The following FBXL7 variants were observed in gnomAD, a reference collection of about 807,000 sequenced individuals.
The protein encoded by FBXL7 is F-box and leucine rich repeat protein 7, also known as F-box/LRR-repeat protein 7.
Under a neutral mutation model 38.3 loss-of-function variants are expected in FBXL7, and 12 were observed. That is an observed-to-expected ratio of 0.31 (90% CI 0.20 to 0.51). The LOEUF (loss-of-function observed/expected upper bound fraction) is 0.51. Among genes scored for constraint, FBXL7 ranks in the 20% least tolerant of loss-of-function variants. FBXL7 has a pLI of 0.98. For missense variants in FBXL7, 567 were observed against 676.4 expected, an observed-to-expected ratio of 0.84 and a Z score of 1.79; for synonymous variants, 297 against 300.9, an observed-to-expected ratio of 0.99 and a Z score of 0.13.
chr5:15,644,530 T>TG (rs1229979528), intron 2 of FBXL7, among the ~76,000 whole-genome samples: 2 of 148,084 alleles, frequency 1.4e-5, no homozygotes, highest in South Asian at 2.2e-4. Context: ...ACGTGGGTGG[T>TG]GGGGGGACAG....
chr5:15,606,723 T>A (rs1221775757), intron 1 of FBXL7: 1 of 152,234 alleles, frequency 6.6e-6, no homozygotes, highest in Non-Finnish European at 1.5e-5. Flanking sequence ...CTGCTTCTAA[T>A]CTTTGCCGCG....
At chr5:15,791,288 C>T (rs1008769427) in intron 2 of FBXL7, among the ~76,000 whole-genome samples, 2 of 152,144 alleles carry the variant, frequency 1.3e-5, no homozygotes, top group Non-Finnish European at 2.9e-5. Flanking sequence ...ATGACAGAAC[C>T]TAACACGTTT....
At chr5:15,726,973 A>G (rs967660125) in intron 2 of FBXL7, among the ~76,000 whole-genome samples, 37 of 151,768 alleles carry the variant, frequency 2.4e-4, no homozygotes, top group African/African-American at 8.0e-4. Flanking sequence ...ACTTTCTGTC[A>G]TATCCTTTTG....
chr5:15,621,449 A>G (rs1176917413), intron 2 of FBXL7, among the ~76,000 whole-genome samples: 1 of 152,062 alleles, frequency 6.6e-6, no homozygotes, highest in Non-Finnish European at 1.5e-5. Context: ...ATTCTCTCCT[A>G]TACTGGAAAG....
intron 2 of FBXL7, among the ~76,000 whole-genome samples, chr5:15,736,446 T>A (rs1292777147): frequency 1.3e-5 from 2 of 152,234 alleles, no homozygotes; most frequent in Non-Finnish European, 2.9e-5. Context: ...AATATTACAA[T>A]ATTGTTTATA....
At chr5:15,538,630 T>C (rs971951954) in intron 1 of FBXL7, among the ~76,000 whole-genome samples, 2 of 152,226 alleles carry the variant, frequency 1.3e-5, no homozygotes, top group African/African-American at 4.8e-5. Flanking sequence ...AGAATATTAA[T>C]GGCAAATGTG....
At chr5:15,735,995 T>A (rs990315329) in intron 2 of FBXL7, among the ~76,000 whole-genome samples, 2 of 152,242 alleles carry the variant, frequency 1.3e-5, no homozygotes, top group East Asian at 1.9e-4. Flanking sequence ...TAGTGTTTCA[T>A]AGTAAGCCAT....
intron 2 of FBXL7, among the ~76,000 whole-genome samples, chr5:15,748,014 TTC>T (rs1325039022): frequency 6.6e-6 from 1 of 152,198 alleles, no homozygotes; most frequent in East Asian, 1.9e-4. Flanking sequence ...ATTCCAGTGG[TTC>T]TCAATCAGGA....
At chr5:15,698,350 T>C (rs1040904628) in intron 2 of FBXL7, among the ~76,000 whole-genome samples, 4 of 152,154 alleles carry the variant, frequency 2.6e-5, no homozygotes, top group African/African-American at 9.7e-5. Context: ...AGCATATGCA[T>C]GTGGGCATTG....
intron 2 of FBXL7, among the ~76,000 whole-genome samples, chr5:15,855,178 ACT>A (rs1739219230): frequency 6.6e-6 from 1 of 152,100 alleles, no homozygotes; most frequent in Non-Finnish European, 1.5e-5. Context: ...TCATTGTATA[ACT>A]CTACATATTT....
intron 2 of FBXL7, among the ~76,000 whole-genome samples, chr5:15,821,086 T>C (rs1336818027): frequency 6.6e-6 from 1 of 152,156 alleles, no homozygotes; most frequent in East Asian, 1.9e-4. Flanking sequence ...TCCCACTGAA[T>C]AGAGTCGGAC....
chr5:15,925,157 G>A (rs1741848663), intron 2 of FBXL7, among the ~76,000 whole-genome samples: 1 of 152,198 alleles, frequency 6.6e-6, no homozygotes, highest in Admixed American at 6.5e-5. Context: ...TAGCAGGTGC[G>A]CAAATGTCTT....
chr5:15,827,632 A>T (rs1234809036), intron 2 of FBXL7, among the ~76,000 whole-genome samples: 1 of 152,126 alleles, frequency 6.6e-6, no homozygotes, highest in East Asian at 1.9e-4. Flanking sequence ...TTACCAATGA[A>T]TCCACTCCAT....
chr5:15,672,692 C>T (rs1048572533), intron 2 of FBXL7, among the ~76,000 whole-genome samples: 1 of 151,678 alleles, frequency 6.6e-6, no homozygotes, highest in Non-Finnish European at 1.5e-5. Context: ...GTAGCTGAGA[C>T]TACAGGCGCA....
intron 2 of FBXL7, among the ~76,000 whole-genome samples, chr5:15,653,812 C>G (rs78305194): frequency 0.012 from 1,803 of 152,298 alleles, 26 homozygotes; most frequent in African/African-American, 0.041. Flanking sequence ...CTGCATTTAT[C>G]TACAGTAATC....
At chr5:15,667,905 G>A (rs1442113021) in intron 2 of FBXL7, among the ~76,000 whole-genome samples, 1 of 152,046 alleles carries the variant, frequency 6.6e-6, no homozygotes, top group Non-Finnish European at 1.5e-5. Flanking sequence ...GTAGTTGTGT[G>A]GCCTTGAATC....
intron 2 of FBXL7, among the ~76,000 whole-genome samples, chr5:15,713,844 G>C (rs962354496): frequency 3.3e-5 from 5 of 152,186 alleles, no homozygotes; most frequent in African/African-American, 1.2e-4. Flanking sequence ...AGAAAGTTTG[G>C]TGGATGATAA....
intron 2 of FBXL7, among the ~76,000 whole-genome samples, chr5:15,882,176 C>T (rs1284086697): frequency 3.3e-5 from 5 of 152,194 alleles, no homozygotes; most frequent in Non-Finnish European, 4.4e-5. Context: ...GGCCCCACCT[C>T]CAACAATGGG....
intron 2 of FBXL7, among the ~76,000 whole-genome samples, chr5:15,801,519 A>G (rs1405140706): frequency 6.6e-6 from 1 of 152,190 alleles, no homozygotes; most frequent in African/African-American, 2.4e-5. Context: ...TTTCTGCAGT[A>G]TAGGCTTTTA....
Sources: allele counts gnomAD v4.1 joint callset (sites outside exome capture counted in the v4.1 genomes callset), GRCh38; gene constraint gnomAD v4.1.1; transcripts MANE v1.5; gene names NCBI Gene and HGNC (gene_info 2026-07-23, HGNC 2026-07-21).